FOXRED2: variants seen among roughly 807,000 people sequenced by gnomAD.
FOXRED2 encodes the protein FAD dependent oxidoreductase domain containing 2, also known as FAD-dependent oxidoreductase domain-containing protein 2.
Under a neutral mutation model 52.5 loss-of-function variants are expected in FOXRED2, and 32 were observed. That is an observed-to-expected ratio of 0.61 (90% CI 0.46 to 0.82). The LOEUF (loss-of-function observed/expected upper bound fraction) is 0.82. Among genes scored for constraint, FOXRED2 ranks in the 40% least tolerant of loss-of-function variants. FOXRED2 has a pLI of 0.00. For synonymous variants in FOXRED2, 405 were observed against 398.1 expected, an observed-to-expected ratio of 1.02 and a Z score of -0.21; for missense variants, 848 against 937.5, an observed-to-expected ratio of 0.90 and a Z score of 1.25.
At chr22:36,490,920 C>T (rs969679928) in intron 8 of FOXRED2, among the ~76,000 whole-genome samples, 1 of 152,200 alleles carries the variant, frequency 6.6e-6, no homozygotes, top group Non-Finnish European at 1.5e-5. Flanking sequence ...CTCTGGGAGG[C>T]CGAGGCCGGT....
chr22:36,504,814 A>G, intron 2 of FOXRED2, 48 bp from the exon 3 acceptor site: 2 of 1,596,950 alleles, frequency 1.3e-6, no homozygotes, highest in African/African-American at 2.7e-5. Flanking sequence ...TAGCTATAAG[A>G]CCACTAAGTG....
At chr22:36,494,785 G>T (rs986095526) in intron 7 of FOXRED2, among the ~76,000 whole-genome samples, 12 of 150,002 alleles carry the variant, frequency 8.0e-5, no homozygotes, top group African/African-American at 3.0e-4. Flanking sequence ...GACTACAGGC[G>T]CACGCCACCA....
intron 5 of FOXRED2, 43 bp downstream of exon 5, chr22:36,501,197 GT>G (rs1934032064): frequency 6.3e-7 from 1 of 1,597,454 alleles, no homozygotes; most frequent in South Asian, 1.1e-5. Context: ...GATGCTGAGA[GT>G]GGTTCCGTCT....
chr22:36,501,437 T>TAGC, intron 4 of FOXRED2, 30 bp from the exon 5 acceptor site: 2 of 1,609,618 alleles, frequency 1.2e-6, no homozygotes, highest in Non-Finnish European at 1.7e-6. Context: ...TTCATGAAAA[T>TAGC]AGCTGCTATG....
At chr22:36,498,656 C>T (rs1488083775) in intron 5 of FOXRED2, among the ~76,000 whole-genome samples, 2 of 152,188 alleles carry the variant, frequency 1.3e-5, no homozygotes, top group African/African-American at 2.4e-5. Context: ...TCTTTGATTT[C>T]GCCCTCTCTT....
In FOXRED2 at chr22:36,494,773, G is replaced by A. The variant is rs150650009; in HGVS notation, c.1625-970C>T. Among the ~76,000 whole-genome samples the A allele has an allele frequency of 2.6e-3, 388 of 151,848 alleles. 5 individuals carry two copies. Among genetic ancestry groups the A allele is most frequent in the African/African-American group, 8.8e-3 (363 of 41,362 alleles). On this transcript the variant is annotated intron_variant, in intron 7 of 8. Coordinates refer to ENST00000397224, the MANE Select transcript of FOXRED2 (RefSeq NM_001102371.2). ...TCCTGCCTCAGCCTCCCTAGTAGCT[G>A]GGACTACAGGCGCACGCCACCACGC...
In FOXRED2 at chr22:36,504,601, G is replaced by A. The variant is rs746254833; in HGVS notation, c.693C>T (p.Asn231=). 1.2e-6 allele frequency: 2 copies of A among 1,614,148 alleles called. No individual in the cohort carries two copies. The highest frequency in any genetic ancestry group is 4.5e-5 in the East Asian group (2 of 44,886). The change falls in exon 3 of 9, where the codon AAC becomes AAT. Residue 231 remains asparagine, a synonymous_variant. Coordinates refer to ENST00000397224, the MANE Select transcript of FOXRED2 (RefSeq NM_001102371.2). ...GGATAAAGTTTGTGACACCCAAGAT[G>A]TTCTCTGCTGTCTCAAAGGCCGAGT... ...RGNSAFETAE[N]ILGVTNFIHM... is the part of the protein sequence containing the mutation.
At position 36,504,160 on chromosome 22, in the gene FOXRED2, G is replaced by A. The variant is rs1357121912; in HGVS notation, c.987C>T (p.Arg329=). 1.8e-5 allele frequency: 29 copies of A among 1,614,104 alleles called. No homozygotes were observed. The highest frequency in any genetic ancestry group is 1.3e-4 in the African/African-American group (10 of 74,936). ...AGCGGATTACCCGGTCATAGGGCAC[G>A]CGCATGGCAAAGTTGTCATTGTCGT... ...PQDDNDNFAM[R]VPYDRVIRCL... is the part of the protein sequence containing the mutation. Residue 329 remains arginine, a synonymous_variant, in exon 4 of 9, where the codon CGC becomes CGT. Transcript: ENST00000397224.
chr22:36,492,129 C>T (rs1933772043), intron 8 of FOXRED2, among the ~76,000 whole-genome samples: 1 of 152,172 alleles, frequency 6.6e-6, no homozygotes, highest in Admixed American at 6.5e-5. Context: ...GGAGGCCAGG[C>T]CATGGCAAGC....
At chr22:36,493,236 G>A (rs1210949246) in intron 8 of FOXRED2, among the ~76,000 whole-genome samples, 1 of 152,166 alleles carries the variant, frequency 6.6e-6, no homozygotes, top group Non-Finnish European at 1.5e-5. Flanking sequence ...AGGTCAGTTC[G>A]AGACCAGCCT....
Position 36,493,645 on chromosome 22 carries a change from T to G in FOXRED2, c.1783A>C (p.Ser595Arg), listed in dbSNP as rs566658757. ...LENCLDTDLR[S>R]FYAESCFLFA... is the part of the protein sequence containing the mutation. ...GAGCTTAAGTTACCTGCATAGAAGC[T>G]TCGCAAATCGGTGTCCAAACAGTTC... The change falls in exon 8 of 9, where the codon AGC becomes CGC. Residue 595 changes from serine to arginine, a missense_variant. By Grantham distance (110) the Ser-to-Arg change is moderately radical. Transcript: ENST00000397224. The G allele has an allele frequency of 2.8e-5, 45 of 1,614,004 alleles. No individual in the cohort carries two copies. The highest frequency in any genetic ancestry group is 3.6e-5 in the Non-Finnish European group (43 of 1,179,998).
rs1934184689 is a variant in FOXRED2, at chr22:36,506,068, A to G, written c.355T>C (p.Phe119Leu). 6.2e-7 allele frequency: 1 copy of G among 1,614,236 alleles called. No homozygotes were observed. The highest frequency in any genetic ancestry group is 8.5e-7 in the Non-Finnish European group (1 of 1,180,038). Residue 119 changes from phenylalanine to leucine, a missense_variant, in exon 2 of 9, where the codon TTC becomes CTC. Coordinates refer to ENST00000397224, the MANE Select transcript of FOXRED2 (RefSeq NM_001102371.2). ...LLFRHYSRAY[F>L]PDARDMVRYL... ...CGCACCATGTCGCGGGCGTCGGGGA[A>G]GTAGGCACGCGAGTAGTGTCTGAAG...
At chr22:36,505,840 T>C (rs1934176345) in intron 2 of FOXRED2, 56 bp downstream of exon 2, 6 of 1,557,260 alleles carry the variant, frequency 3.9e-6, no homozygotes, top group Middle Eastern at 1.7e-4. Context: ...TCAAGGTGTG[T>C]GGTTCGTGTG....
chr22:36,504,689 T>C lies in FOXRED2; in HGVS notation c.605A>G (p.Glu202Gly), dbSNP rs1200292489. Residue 202 changes from glutamate to glycine, a missense_variant, in exon 3 of 9, where the codon GAG becomes GGG. Physicochemically the swap from Glu to Gly is moderately conservative, Grantham distance 98. Coordinates refer to ENST00000397224, the MANE Select transcript of FOXRED2 (RefSeq NM_001102371.2). ...GTCCTCAGGGTCCACGGACACGGAC[T>C]CGTAACCCTCTGCATATTCGGAGCC... ...FPGSEYAEGY[E>G]SVSVDPEDFV... The C allele has an allele frequency of 6.2e-7, 1 of 1,614,166 alleles. No homozygotes were observed. The highest frequency in any genetic ancestry group is 8.5e-7 in the Non-Finnish European group (1 of 1,180,030).
At chr22:36,490,319 G>A in intron 8 of FOXRED2, 52 bp from the exon 9 acceptor site, 2 of 1,532,240 alleles carry the variant, frequency 1.3e-6, no homozygotes, top group Non-Finnish European at 1.8e-6. Flanking sequence ...ATGTGGGGAG[G>A]GGTGCAGAAA....
chr22:36,503,530 C>T (rs1389749701), intron 4 of FOXRED2, among the ~76,000 whole-genome samples: 2 of 151,406 alleles, frequency 1.3e-5, no homozygotes, highest in Non-Finnish European at 2.9e-5. Flanking sequence ...AGGCTGGTCT[C>T]GAACTCCTAA....
rs1012398173 is a variant in FOXRED2, at chr22:36,489,914, T to C, written c.*94A>G. The C allele has an allele frequency of 2.1e-5, 27 of 1,296,424 alleles. No individual in the cohort carries two copies. In the Admixed American group the frequency reaches 7.0e-4, roughly 34 times the overall value. The allele number at this position is 1,296,424 out of a possible 1,614,324, so 80.3% of individuals were successfully genotyped here. On this transcript the variant is annotated 3_prime_UTR_variant, in exon 9 of 9. Coordinates refer to ENST00000397224, the MANE Select transcript of FOXRED2 (RefSeq NM_001102371.2). ...CTGAGTGGTCTTTGGCAATCACGCA[T>C]TGGCGGGAGTGTGAGGTTGCGGGGA...
In FOXRED2 at chr22:36,496,010, G is replaced by A. The variant is rs913891344; in HGVS notation, c.1581C>T (p.Asn527=). 3 of 1,614,108 alleles carry A rather than the reference G, an allele frequency of 1.9e-6. No individual in the cohort carries two copies. Among genetic ancestry groups the A allele is most frequent in the Non-Finnish European group, 2.5e-6 (3 of 1,180,028 alleles). Residue 527 remains asparagine (N), a synonymous_variant, in exon 7 of 9, where the codon AAC becomes AAT. Coordinates refer to ENST00000397224, the MANE Select transcript of FOXRED2 (RefSeq NM_001102371.2). ...AGTAGTAGATGACAGGATGAAGAAA[G>A]TTAGACTGCCAGGCATCTTCTGTGT... is the stretch of plus-strand genomic sequence containing the variant. ...VGHTEDAWQS[N]FLHPVIYYYR...
chr22:36,499,781 A>G (rs1008195266), intron 5 of FOXRED2, among the ~76,000 whole-genome samples: 3 of 152,136 alleles, frequency 2.0e-5, no homozygotes, highest in Non-Finnish European at 4.4e-5. Context: ...TAACCACAGG[A>G]GCAGGAACAT....
Sources: gnomAD v4.1 joint callset for allele counts (sites outside exome capture counted in the v4.1 genomes callset) on GRCh38, gnomAD v4.1.1 for gene constraint, MANE v1.5 for transcripts, NCBI Gene and HGNC (gene_info 2026-07-23, HGNC 2026-07-21) for gene names.